Variants in ARIH2 observed in about 807,000 individuals in gnomAD.
ARIH2 encodes the protein E3 ubiquitin-protein ligase ARIH2.
In ARIH2, 12 loss-of-function variants were observed where a neutral mutation model predicts 79.8. The observed-to-expected ratio is 0.15, with a 90% CI of 0.10 to 0.24. The LOEUF is 0.24. Among genes scored for constraint, ARIH2 ranks in the 10% least tolerant of loss-of-function variants. The probability of loss-of-function intolerance (pLI) is 1.00; values close to 1 mark genes in which losing one functional copy is unlikely to be tolerated. For missense variants in ARIH2, 301 were observed against 618.3 expected, an observed-to-expected ratio of 0.49 and a Z score of 5.44; for synonymous variants, 224 against 213.9, an observed-to-expected ratio of 1.05 and a Z score of -0.41.
intron 8 of ARIH2, among the ~76,000 whole-genome samples, chr3:48,972,301 C>A (rs1360529463): frequency 6.6e-6 from 1 of 152,194 alleles, no homozygotes; most frequent in Non-Finnish European, 1.5e-5. Context: ...TCCCAAGTAA[C>A]TGAAACTACA....
Position 48,964,566 on chromosome 3 carries a change from C to T in ARIH2, c.324-353C>T, listed in dbSNP as rs371567965. Among the ~76,000 whole-genome samples the T allele has an allele frequency of 2.6e-5, 4 of 152,236 alleles. No homozygotes were observed. In the South Asian group the frequency reaches 6.2e-4, roughly 24 times the overall value. On this transcript the variant is annotated intron_variant, in intron 4 of 15. Transcript: ENST00000356401. ...CTGACCTCAAGTGATCTGCCCGCCTCGGCCTCCCAAAGTGCTGGGATTGCA... is the reference window on the plus strand; with the variant it reads ...CTGACCTCAAGTGATCTGCCCGCCTTGGCCTCCCAAAGTGCTGGGATTGCA...
At chr3:48,920,001 C>A (rs997006264) in intron 1 of ARIH2, among the ~76,000 whole-genome samples, 1 of 130,304 alleles carries the variant, frequency 7.7e-6, no homozygotes, top group Non-Finnish European at 1.6e-5. Flanking sequence ...TTTTGGTGGG[C>A]GGGACAAAGT....
chr3:48,978,256 ATT>A (rs548878345), intron 11 of ARIH2, among the ~76,000 whole-genome samples: 17 of 133,712 alleles, frequency 1.3e-4, no homozygotes, highest in Non-Finnish European at 1.8e-4. Context: ...CATATAGGGG[ATT>A]TTTTTTTTTT....
chr3:48,930,085 T>C (rs1327547735), intron 3 of ARIH2, among the ~76,000 whole-genome samples: 1 of 152,190 alleles, frequency 6.6e-6, no homozygotes, highest in Non-Finnish European at 1.5e-5. Context: ...AGAAATATGT[T>C]AACACCATTT....
chr3:48,971,379 G>A (rs2092227049), intron 8 of ARIH2, among the ~76,000 whole-genome samples: 1 of 152,130 alleles, frequency 6.6e-6, no homozygotes, highest in African/African-American at 2.4e-5. Context: ...TGAGTAGCTG[G>A]GACTACAGGC....
intron 5 of ARIH2, 110 bp downstream of exon 5, chr3:48,965,092 C>T (rs1191368737): frequency 4.7e-5 from 45 of 950,984 alleles, no homozygotes; most frequent in Non-Finnish European, 2.2e-5. Flanking sequence ...GTGTGGCTCA[C>T]GCCTGTAATC....
At chr3:48,969,491 C>CTT (rs369825308) in intron 7 of ARIH2, among the ~76,000 whole-genome samples, 15 of 144,126 alleles carry the variant, frequency 1.0e-4, no homozygotes, top group South Asian at 2.2e-4. Context: ...TCTTTTTCTT[C>CTT]TTTTTTTTTT....
intron 3 of ARIH2, among the ~76,000 whole-genome samples, chr3:48,930,625 AT>A (rs2086243030): frequency 6.6e-6 from 1 of 151,948 alleles, no homozygotes; most frequent in Non-Finnish European, 1.5e-5. Flanking sequence ...GCCTGTTTTT[AT>A]TTTTGTAATT....
chr3:48,937,979 G>A (rs981967964), intron 3 of ARIH2, among the ~76,000 whole-genome samples: 3 of 149,440 alleles, frequency 2.0e-5, no homozygotes, highest in East Asian at 2.0e-4. Flanking sequence ...CCTGGGAGGC[G>A]GAGCTTGCAG....
At chr3:48,974,094 C>T (rs1002624510) in intron 9 of ARIH2, among the ~76,000 whole-genome samples, 8 of 152,170 alleles carry the variant, frequency 5.3e-5, no homozygotes, top group East Asian at 1.9e-4. Context: ...TATGATTGAA[C>T]GCCTACCAGC....
At position 48,927,508 on chromosome 3, in the gene ARIH2, A is replaced by AG. The variant is rs1405349869; in HGVS notation, c.-46dup. On this transcript the variant is annotated 5_prime_UTR_variant, in exon 3 of 16. Coordinates refer to ENST00000356401, the MANE Select transcript of ARIH2 (RefSeq NM_006321.4). ...TTGAGAAAGCGGTAGTTTTGGGGGGAGGGGGAAAAAGCAACTGCTTTCCTG... is the reference window on the plus strand; with the variant it reads ...TTGAGAAAGCGGTAGTTTTGGGGGGAGGGGGGAAAAAGCAACTGCTTTCCTG... The AG allele has an allele frequency of 6.3e-7, 1 of 1,580,116 alleles. No homozygotes were observed.
intron 3 of ARIH2, among the ~76,000 whole-genome samples, chr3:48,952,195 G>A (rs941890769): frequency 6.6e-6 from 1 of 152,098 alleles, no homozygotes; most frequent in African/African-American, 2.4e-5. Context: ...TTGACACAGG[G>A]GTTCTATAGA....
rs544654171 is a variant in ARIH2 at position 48,972,483 on chromosome 3, A to G, written c.771-1216A>G. 1.4e-4 allele frequency among the ~76,000 whole-genome samples: 22 copies of G among 152,248 alleles called. No homozygotes were observed. In the East Asian group the frequency reaches 4.1e-3, roughly 28 times the overall value. On this transcript the variant is annotated intron_variant, in intron 8 of 15. Coordinates refer to ENST00000356401, the MANE Select transcript of ARIH2 (RefSeq NM_006321.4). ...ACATGGTGAAATCATGTCTCTACTA[A>G]AGATACAAAAATTAGCCAGGAATAG...
chr3:48,975,832 G>A (rs2092467309), intron 11 of ARIH2, among the ~76,000 whole-genome samples: 1 of 152,014 alleles, frequency 6.6e-6, no homozygotes, highest in Admixed American at 6.6e-5. Context: ...CAAAGTGCTG[G>A]GATTACAGGA....
At chr3:48,924,908 A>C (rs1176793322) in intron 2 of ARIH2, 1 of 151,954 alleles carries the variant, frequency 6.6e-6, no homozygotes, top group African/African-American at 2.4e-5. Flanking sequence ...GTTAGCCAGG[A>C]TGGTCTGGAT....
At position 48,946,155 on chromosome 3, in the gene ARIH2, G is replaced by A. The variant is rs939192520; in HGVS notation, c.256-15457G>A. Among the ~76,000 whole-genome samples, 5 of 152,030 alleles carry A rather than the reference G, an allele frequency of 3.3e-5. No homozygotes were observed. The East Asian group carries it at 9.7e-4, about 29-fold the overall frequency. ...TTCATATTCACTTCATTACATCTCT[G>A]TGAGAAAATCTTAGCATTATTGGCC... On this transcript the variant is annotated intron_variant, in intron 3 of 15. Coordinates refer to ENST00000356401, the MANE Select transcript of ARIH2 (RefSeq NM_006321.4).
chr3:48,929,452 G>A (rs192738227), intron 3 of ARIH2, among the ~76,000 whole-genome samples: 84 of 151,344 alleles, frequency 5.6e-4, no homozygotes, highest in African/African-American at 1.7e-3. Context: ...CTTTCCCTTC[G>A]CCGCCTCATC....
At chr3:48,980,792 T>C (rs1261764979) in intron 13 of ARIH2, among the ~76,000 whole-genome samples, 1 of 151,938 alleles carries the variant, frequency 6.6e-6, no homozygotes, top group African/African-American at 2.4e-5. Flanking sequence ...AATAAAAGAT[T>C]GTCTGATCAC....
rs34142276 is a variant in ARIH2 at position 48,978,415 on chromosome 3, T to TTG, written c.962-1063_962-1062dup. On this transcript the variant is annotated intron_variant, in intron 11 of 15. Coordinates refer to ENST00000356401, the MANE Select transcript of ARIH2 (RefSeq NM_006321.4). ...GCATGTGCCACCACACCTGGCTAAT[T>TTG]TGTGTATGTGTGTGTGTGTGTGTGT... Among the ~76,000 whole-genome samples the TTG allele has an allele frequency of 4.9e-4, 44 of 90,692 alleles. 2 individuals carry two copies. The highest frequency in any genetic ancestry group is 7.5e-4 in the Admixed American group (5 of 6,624). The allele number at this position is 90,692 out of a possible 152,430, so 59.5% of individuals were successfully genotyped here.
Sources: gnomAD v4.1 joint callset for allele counts (sites outside exome capture counted in the v4.1 genomes callset) on GRCh38, gnomAD v4.1.1 for gene constraint, MANE v1.5 for transcripts, NCBI Gene and HGNC (gene_info 2026-07-23, HGNC 2026-07-21) for gene names.